ABCC4: variants seen among roughly 807,000 people sequenced by gnomAD.
The protein encoded by ABCC4 is ATP binding cassette subfamily C member 4 (PEL blood group).
In ABCC4, 102 loss-of-function variants were observed where a neutral mutation model predicts 168.5. The ratio of observed to expected loss-of-function variants is 0.61; its 90% CI spans 0.52 to 0.71. ABCC4 has a LOEUF of 0.71. Ranked by LOEUF, ABCC4 falls within the 30% of genes least tolerant of loss-of-function variation. ABCC4 has a pLI of 0.00. For missense variants in ABCC4, 1,402 were observed against 1,605.8 expected (o/e 0.87, Z 2.17); for synonymous variants, 617 against 590.7 (o/e 1.04, Z -0.65).
intron 20 of ABCC4, among the ~76,000 whole-genome samples, chr13:95,084,705 G>A (rs557680603): frequency 5.9e-5 from 9 of 152,146 alleles, no homozygotes; most frequent in East Asian, 3.9e-4. Context: ...TATTTCAAAC[G>A]TCTATTTCAG....
rs1317252304 is a variant in ABCC4, at chr13:95,176,244, G to GGGGGT, written c.1727+1462_1727+1463insACCCC. On this transcript the variant is annotated intron_variant, in intron 13 of 30. Coordinates refer to ENST00000645237, the MANE Select transcript of ABCC4 (RefSeq NM_005845.5). The stretch of plus-strand genomic sequence containing the variant: ...AGGGCAGGGGGGGGGGGGGGGGGGG[G>GGGGGT]GTGGATCCCTTGAGCCCAGGAGTTC... 5.3e-4 allele frequency among the ~76,000 whole-genome samples: 24 copies of GGGGGT among 44,958 alleles called. 6 individuals carry two copies. Among genetic ancestry groups the GGGGGT allele is most frequent in the African/African-American group, 1.2e-3 (14 of 11,906 alleles). 29.5% of individuals were successfully genotyped at this position (44,958 alleles called of 152,430 possible).
chr13:95,188,399 A>C, intron 10 of ABCC4, 54 bp downstream of exon 10: 1 of 1,535,814 alleles, frequency 6.5e-7, no homozygotes, highest in South Asian at 1.1e-5. Flanking sequence ...AAACCCACGA[A>C]GTTAATATGA....
At chr13:95,044,560 A>T in intron 27 of ABCC4, 122 bp from the exon 28 acceptor site, 1 of 772,136 alleles carries the variant, frequency 1.3e-6, no homozygotes, top group African/African-American at 1.8e-5. Context: ...GTGGACACAC[A>T]CATGAGGCTG....
chr13:95,267,039 A>C (rs1051014434), intron 1 of ABCC4, among the ~76,000 whole-genome samples: 8 of 151,652 alleles, frequency 5.3e-5, no homozygotes, highest in African/African-American at 1.5e-4. Flanking sequence ...ATGCCCAGCT[A>C]ATTTGTTTTG....
At chr13:95,245,858 C>A (rs1248823183) in intron 3 of ABCC4, among the ~76,000 whole-genome samples, 5 of 148,810 alleles carry the variant, frequency 3.4e-5, no homozygotes, top group African/African-American at 4.9e-5. Context: ...CAAACCCCCC[C>A]ACATACAAAC....
intron 19 of ABCC4, among the ~76,000 whole-genome samples, chr13:95,117,195 A>G (rs2035407474): frequency 6.6e-6 from 1 of 151,176 alleles, no homozygotes; most frequent in Non-Finnish European, 1.5e-5. Flanking sequence ...AACTTTTCTG[A>G]GCCTCTAATA....
At chr13:95,104,732 A>C (rs2034939147) in intron 20 of ABCC4, among the ~76,000 whole-genome samples, 1 of 152,192 alleles carries the variant, frequency 6.6e-6, no homozygotes, top group Non-Finnish European at 1.5e-5. Flanking sequence ...GAAGAATCAC[A>C]ACTGACTCTG....
At chr13:95,151,754 G>A (rs1029063121) in intron 19 of ABCC4, among the ~76,000 whole-genome samples, 1 of 152,132 alleles carries the variant, frequency 6.6e-6, no homozygotes, top group African/African-American at 2.4e-5. Flanking sequence ...CACAACTGAC[G>A]ATGAGTAGAA....
At chr13:95,034,373 G>A (rs1305438213) in intron 30 of ABCC4, among the ~76,000 whole-genome samples, 3 of 152,302 alleles carry the variant, frequency 2.0e-5, no homozygotes, top group Admixed American at 6.5e-5. Flanking sequence ...CACACGGCAT[G>A]CACACATGTG....
intron 1 of ABCC4, among the ~76,000 whole-genome samples, chr13:95,296,330 AT>A (rs35701092): frequency 0.43 from 64,993 of 151,784 alleles, 15,726 homozygotes; most frequent in Non-Finnish European, 0.56. Flanking sequence ...CAAGAAAAAT[AT>A]TTTTTTTATT....
At chr13:95,121,015 G>C (rs2035552980) in intron 19 of ABCC4, among the ~76,000 whole-genome samples, 1 of 152,050 alleles carries the variant, frequency 6.6e-6, no homozygotes, top group Non-Finnish European at 1.5e-5. Flanking sequence ...GAACCAAACA[G>C]GAGATCTAGA....
At chr13:95,082,847 TA>T (rs1423093579) in intron 21 of ABCC4, among the ~76,000 whole-genome samples, 1 of 152,196 alleles carries the variant, frequency 6.6e-6, no homozygotes, top group Non-Finnish European at 1.5e-5. Flanking sequence ...AAGTATGTCA[TA>T]AACAAGACAC....
At chr13:95,052,645 C>T (rs2032891228) in intron 27 of ABCC4, among the ~76,000 whole-genome samples, 2 of 151,702 alleles carry the variant, frequency 1.3e-5, no homozygotes. Context: ...TATAATTTAC[C>T]TTTATAAACA....
At chr13:95,281,797 G>C (rs2041131473) in intron 1 of ABCC4, among the ~76,000 whole-genome samples, 1 of 151,788 alleles carries the variant, frequency 6.6e-6, no homozygotes, top group African/African-American at 2.4e-5. Flanking sequence ...AGTCTGCTCA[G>C]GCTGCCATAA....
At chr13:95,144,002 C>A (rs1031807600) in intron 19 of ABCC4, among the ~76,000 whole-genome samples, 2 of 152,148 alleles carry the variant, frequency 1.3e-5, no homozygotes, top group African/African-American at 4.8e-5. Flanking sequence ...TAAAATATTT[C>A]TTAGTTTCAC....
intron 11 of ABCC4, among the ~76,000 whole-genome samples, chr13:95,178,712 CA>C (rs1297553911): frequency 1.3e-5 from 2 of 152,072 alleles, no homozygotes; most frequent in African/African-American, 4.8e-5. Context: ...AGGATGATGG[CA>C]GGGGAGGGCA....
chr13:95,215,017 C>T (rs918812888), intron 4 of ABCC4, among the ~76,000 whole-genome samples: 8 of 151,878 alleles, frequency 5.3e-5, no homozygotes, highest in Non-Finnish European at 8.8e-5. Context: ...TGAACCTGAA[C>T]TGTAAAAAAC....
chr13:95,142,222 A>G (rs1274332217), intron 19 of ABCC4, among the ~76,000 whole-genome samples: 1 of 152,266 alleles, frequency 6.6e-6, no homozygotes, highest in East Asian at 1.9e-4. Context: ...ACCGTGGAAT[A>G]TAGATACGAC....
intron 1 of ABCC4, among the ~76,000 whole-genome samples, chr13:95,266,878 T>C (rs1232513997): frequency 1.1e-5 from 1 of 95,174 alleles, no homozygotes; most frequent in East Asian, 3.5e-4. Flanking sequence ...TCAAATCTCA[T>C]CTTTTTTTTT....
Sources: gnomAD v4.1 joint callset for allele counts (sites outside exome capture counted in the v4.1 genomes callset) on GRCh38, gnomAD v4.1.1 for gene constraint, MANE v1.5 for transcripts, NCBI Gene and HGNC (gene_info 2026-07-23, HGNC 2026-07-21) for gene names.